CGAS: variants seen among roughly 807,000 people sequenced by gnomAD.
CGAS encodes cyclic GMP-AMP synthase.
CGAS carries 31 observed loss-of-function variants against 34.0 expected under a neutral mutation model. The observed-to-expected ratio is 0.91, with a 90% CI of 0.69 to 1.23. The LOEUF (loss-of-function observed/expected upper bound fraction) is 1.23. Ranked by LOEUF, CGAS falls within the 50% of genes most tolerant of loss-of-function variation. The pLI, the probability that CGAS is intolerant of heterozygous loss-of-function variation, is 0.00. For synonymous variants in CGAS, 266 were observed against 260.0 expected, an observed-to-expected ratio of 1.02 and a Z score of -0.22; for missense variants, 597 against 657.6, an observed-to-expected ratio of 0.91 and a Z score of 1.01.
chr6:73,428,489 A>T (rs1473026579), intron 4 of CGAS, among the ~76,000 whole-genome samples: 1 of 152,140 alleles, frequency 6.6e-6, no homozygotes, highest in African/African-American at 2.4e-5. Flanking sequence ...TCCAGGGTTC[A>T]GAACTACTAT....
In CGAS at chr6:73,424,450, A is replaced by AG. The variant is rs1291237263; in HGVS notation, c.*776_*777insC. 6.6e-6 allele frequency: 1 copy of AG among 151,156 alleles called. No individual in the cohort carries two copies. The highest frequency in any genetic ancestry group is 1.5e-5 in the Non-Finnish European group (1 of 67,944). The allele number at this position is 151,156 out of a possible 1,614,324, so 9.4% of individuals were successfully genotyped here. On this transcript the variant is annotated 3_prime_UTR_variant, in exon 5 of 5. Coordinates refer to ENST00000370315, the MANE Select transcript of CGAS (RefSeq NM_138441.3). ...CTCCATCTAAAAAAAAAAAAAAAAA[A>AG]TTATGTATTTCCTGGCCAGGCACGG...
At chr6:73,435,282 A>G (rs1450532230) in intron 3 of CGAS, among the ~76,000 whole-genome samples, 1 of 152,220 alleles carries the variant, frequency 6.6e-6, no homozygotes, top group Non-Finnish European at 1.5e-5. Flanking sequence ...TAAATAAACT[A>G]CACTGAGATA....
intron 3 of CGAS, among the ~76,000 whole-genome samples, chr6:73,429,215 A>G (rs568819598): frequency 8.2e-4 from 125 of 152,034 alleles, no homozygotes; most frequent in Non-Finnish European, 1.5e-3. Flanking sequence ...AGAAAGAAAA[A>G]GAAAATATTC....
intron 4 of CGAS, 60 bp downstream of exon 4, chr6:73,428,649 G>T: frequency 6.6e-7 from 1 of 1,503,822 alleles, no homozygotes; most frequent in Non-Finnish European, 9.1e-7. Context: ...GAGGTGTGGA[G>T]TCAACAAATA....
At chr6:73,442,507 C>T (rs1237036159) in intron 2 of CGAS, among the ~76,000 whole-genome samples, 1 of 151,396 alleles carries the variant, frequency 6.6e-6, no homozygotes, top group African/African-American at 2.4e-5. Flanking sequence ...TTCAAGCAAT[C>T]CTCTTGCCTC....
Position 73,445,760 on chromosome 6 carries a change from A to G in CGAS, c.658-13T>C. On this transcript the variant is annotated splice_polypyrimidine_tract_variant and intron_variant, in intron 1 of 4. Transcript: ENST00000370315. Reference sequence around the variant, plus strand: ...TAGGTGCAGAAATCTAAGAAACAGTAAAAATAGTACTGAAATATTTGCTTA... The same window carrying G: ...TAGGTGCAGAAATCTAAGAAACAGTGAAAATAGTACTGAAATATTTGCTTA... The G allele has an allele frequency of 6.5e-7, 1 of 1,548,868 alleles. No homozygotes were observed. The highest frequency in any genetic ancestry group is 8.8e-7 in the Non-Finnish European group (1 of 1,139,228).
Position 73,425,332 on chromosome 6 carries a change from G to T in CGAS, c.1464C>A (p.Phe488Leu). The change falls in exon 5 of 5, where the codon TTC becomes TTA. Residue 488 changes from phenylalanine to leucine, a missense_variant. Phe to Leu is a conservative substitution (Grantham distance 22). Coordinates refer to ENST00000370315, the MANE Select transcript of CGAS (RefSeq NM_138441.3). ...EKLENYFIPEFNLFSSNLIDK... is the reference protein window; with the variant it reads ...EKLENYFIPELNLFSSNLIDK... Reference sequence around the variant, plus strand: ...CAATTAAGTTGCTAGAGAATAGATTGAATTCAGGAATAAAATAATTCTCAA... The same window carrying T: ...CAATTAAGTTGCTAGAGAATAGATTTAATTCAGGAATAAAATAATTCTCAA... 1 of 1,610,576 alleles carries T rather than the reference G, an allele frequency of 6.2e-7. No individual in the cohort carries two copies. Among genetic ancestry groups the T allele is most frequent in the South Asian group, 1.1e-5 (1 of 90,184 alleles).
At chr6:73,429,584 T>C (rs1022053764) in intron 3 of CGAS, among the ~76,000 whole-genome samples, 17 of 152,018 alleles carry the variant, frequency 1.1e-4, no homozygotes, top group Non-Finnish European at 2.9e-5. Context: ...CCCAGCACCT[T>C]GGGAGGCCAA....
At position 73,425,307 on chromosome 6, in the gene CGAS, C is replaced by A. The variant is rs773685659; in HGVS notation, c.1489G>T (p.Asp497Tyr). The A allele has an allele frequency of 1.2e-6, 2 of 1,604,350 alleles. No homozygotes were observed. The highest frequency in any genetic ancestry group is 2.3e-5 in the South Asian group (2 of 88,440). ...EFNLFSSNLIDKRSKEFLTKQ... is the reference protein window; with the variant it reads ...EFNLFSSNLIYKRSKEFLTKQ... ...GTCAGAAATTCCTTACTTCTTTTGT[C>A]AATTAAGTTGCTAGAGAATAGATTG... Residue 497 changes from aspartate (D) to tyrosine (Y), a missense_variant, in exon 5 of 5, where the codon GAC becomes TAC. Asp to Tyr is a radical substitution (Grantham distance 160). Coordinates refer to ENST00000370315, the MANE Select transcript of CGAS (RefSeq NM_138441.3).
intron 3 of CGAS, among the ~76,000 whole-genome samples, chr6:73,429,355 TAGTA>T (rs1472913901): frequency 3.3e-5 from 5 of 152,242 alleles, no homozygotes; most frequent in Admixed American, 6.5e-5. Flanking sequence ...TAGTTAGCAA[TAGTA>T]AGATGTATTA....
intron 2 of CGAS, among the ~76,000 whole-genome samples, chr6:73,444,131 A>G (rs1040142674): frequency 3.3e-5 from 5 of 151,864 alleles, no homozygotes; most frequent in Non-Finnish European, 5.9e-5. Context: ...CTGGGATTAC[A>G]GGCATCCACC....
intron 1 of CGAS, among the ~76,000 whole-genome samples, chr6:73,449,019 G>C (rs1037911795): frequency 6.6e-6 from 1 of 151,766 alleles, no homozygotes; most frequent in Non-Finnish European, 1.5e-5. Flanking sequence ...AACCCGGGAG[G>C]CGGAGGTTAC....
chr6:73,446,328 TCAAA>T (rs1562294604), intron 1 of CGAS, among the ~76,000 whole-genome samples: 1 of 19,208 alleles, frequency 5.2e-5, no homozygotes. Flanking sequence ...AGACTCCATC[TCAAA>T]AAAAAAAAAA....
At chr6:73,436,120 G>A (rs2094511447) in intron 3 of CGAS, among the ~76,000 whole-genome samples, 1 of 151,698 alleles carries the variant, frequency 6.6e-6, no homozygotes, top group South Asian at 2.1e-4. Flanking sequence ...TCAGCTCCAA[G>A]AAGAACAACC....
At chr6:73,427,259 C>A (rs535352010) in intron 4 of CGAS, among the ~76,000 whole-genome samples, 25 of 150,600 alleles carry the variant, frequency 1.7e-4, no homozygotes, top group Admixed American at 1.3e-4. Context: ...CTTTTGTGAT[C>A]TTTATACTGG....
At position 73,425,505 on chromosome 6, in the gene CGAS, C is replaced by T. The variant is rs774342634; in HGVS notation, c.1291G>A (p.Asp431Asn). The change falls in exon 5 of 5, where the codon GAT becomes AAT. Residue 431 changes from aspartate to asparagine, a missense_variant. This residue lies in a region of CGAS where 271 missense variants were observed against 324.1 expected (regional missense o/e 0.84). Transcript: ENST00000370315. Reference protein sequence around the residue: ...KERFKDKKHLDKFSSYHVKTA... With the variant: ...KERFKDKKHLNKFSSYHVKTA... ...TTCACATGATAAGAAGAGAATTTAT[C>T]CAGATGTTTTTTGTCTTTAAACCTT... 1 of 1,613,188 alleles carries T rather than the reference C, an allele frequency of 6.2e-7. No individual in the cohort carries two copies. The highest frequency in any genetic ancestry group is 8.5e-7 in the Non-Finnish European group (1 of 1,179,742).
At chr6:73,442,148 C>T (rs1231531375) in intron 2 of CGAS, among the ~76,000 whole-genome samples, 1 of 152,148 alleles carries the variant, frequency 6.6e-6, no homozygotes, top group African/African-American at 2.4e-5. Flanking sequence ...GCTAGGGTTA[C>T]AAGTGTGAGC....
Position 73,428,749 on chromosome 6 carries a change from A to AT in CGAS, c.1176dup (p.Ser393IlefsTer2). ...TCTTTGTTTTCACAGCACGTTTTAG[A>AT]TTTTCCATGATTGTTCAAAATTTCC... On this transcript the variant is annotated frameshift_variant, in exon 4 of 5. Transcript: ENST00000370315. LOFTEE classifies it low-confidence loss of function (END_TRUNC). 6.2e-7 allele frequency: 1 copy of AT among 1,613,868 alleles called. No homozygotes were observed. The highest frequency in any genetic ancestry group is 8.5e-7 in the Non-Finnish European group (1 of 1,179,974).
At chr6:73,444,410 G>A (rs1283386423) in intron 2 of CGAS, among the ~76,000 whole-genome samples, 1 of 152,088 alleles carries the variant, frequency 6.6e-6, no homozygotes, top group East Asian at 1.9e-4. Flanking sequence ...CCAGGTTGAA[G>A]CAATTCTCCT....
Sources: allele counts gnomAD v4.1 joint callset (sites outside exome capture counted in the v4.1 genomes callset), GRCh38; gene constraint gnomAD v4.1.1; regional missense constraint gnomAD v4.1.1; transcripts MANE v1.5; gene names NCBI Gene and HGNC (gene_info 2026-07-23, HGNC 2026-07-21).